GREB1L: variants seen among roughly 807,000 people sequenced by gnomAD.
The protein encoded by GREB1L is GREB1-like protein.
In GREB1L, 17 loss-of-function variants were observed where a neutral mutation model predicts 200.8. That is an observed-to-expected ratio of 0.08 (90% CI 0.06 to 0.13). The LOEUF (loss-of-function observed/expected upper bound fraction) is 0.13, where lower values mean the gene tolerates loss of function less well. GREB1L is among the 10% of genes least tolerant of loss of function. GREB1L has a pLI of 1.00. For missense variants in GREB1L, 1,657 were observed against 2,367.7 expected (o/e 0.70, Z 6.23); for synonymous variants, 789 against 893.0 (o/e 0.88, Z 2.08).
chr18:21,380,757 A>C (rs1315806656), intron 2 of GREB1L: 2 of 152,234 alleles, frequency 1.3e-5, no homozygotes, highest in Non-Finnish European at 2.9e-5. Context: ...TTAGTAGACT[A>C]TCTAGCCCAA....
chr18:21,315,863 C>T (rs1406069226), intron 1 of GREB1L, among the ~76,000 whole-genome samples: 1 of 152,098 alleles, frequency 6.6e-6, no homozygotes, highest in East Asian at 1.9e-4. Context: ...TGCTCCGCCT[C>T]CCAGCTCTGT....
chr18:21,352,521 C>T (rs746453563), intron 1 of GREB1L, among the ~76,000 whole-genome samples: 11 of 150,210 alleles, frequency 7.3e-5, no homozygotes, highest in Non-Finnish European at 1.6e-4. Flanking sequence ...GTAACCTCCG[C>T]TTCCCGGGTT....
intron 2 of GREB1L, among the ~76,000 whole-genome samples, chr18:21,371,655 G>T (rs1168723895): frequency 1.3e-5 from 2 of 151,452 alleles, no homozygotes; most frequent in Non-Finnish European, 2.9e-5. Flanking sequence ...GGCGTGGCGG[G>T]CGCCTGTAGT....
At chr18:21,305,009 T>C (rs2038678256) in intron 1 of GREB1L, among the ~76,000 whole-genome samples, 1 of 151,666 alleles carries the variant, frequency 6.6e-6, no homozygotes, top group Admixed American at 6.6e-5. Flanking sequence ...AGACAGAGTG[T>C]CGCTCTGTTG....
intron 7 of GREB1L, among the ~76,000 whole-genome samples, chr18:21,436,773 C>T (rs1308067256): frequency 6.6e-6 from 1 of 150,814 alleles, no homozygotes; most frequent in Non-Finnish European, 1.5e-5. Flanking sequence ...TACACTGGTG[C>T]GATCTCAGCT....
intron 7 of GREB1L, among the ~76,000 whole-genome samples, chr18:21,435,998 G>C (rs558175756): frequency 1.5e-4 from 23 of 152,238 alleles, no homozygotes; most frequent in African/African-American, 5.1e-4. Flanking sequence ...AACTACTCGG[G>C]AAGTGAAACT....
chr18:21,481,477 GTA>G (rs754521942), intron 17 of GREB1L, among the ~76,000 whole-genome samples: 11,764 of 132,528 alleles, frequency 0.089, 523 homozygotes, highest in Non-Finnish European at 0.12. Context: ...GTGTGTGTGT[GTA>G]TATATATATA....
At chr18:21,436,899 C>A (rs2033583491) in intron 7 of GREB1L, among the ~76,000 whole-genome samples, 1 of 151,792 alleles carries the variant, frequency 6.6e-6, no homozygotes, top group Admixed American at 6.6e-5. Context: ...TTTGTACAGA[C>A]AAGGTTTCGC....
intron 5 of GREB1L, among the ~76,000 whole-genome samples, chr18:21,399,527 G>T (rs1205951918): frequency 6.6e-6 from 1 of 152,004 alleles, no homozygotes; most frequent in Non-Finnish European, 1.5e-5. Flanking sequence ...ATGGATGGAT[G>T]GATAACTTTA....
rs35203034 is a variant in GREB1L at position 21,304,222 on chromosome 18, ATATTAT to A, written c.-119-61779_-119-61774del. On this transcript the variant is annotated intron_variant, in intron 1 of 32. Coordinates refer to ENST00000424526, the MANE Select transcript of GREB1L (RefSeq NM_001142966.3). ...TTTCAAATCTTCACTAGTTAAGCCC[ATATTAT>A]TATTATTATTATTATTATTATTATT... is the stretch of plus-strand genomic sequence containing the variant. Among the ~76,000 whole-genome samples the A allele has an allele frequency of 9.4e-4, 140 of 148,762 alleles. 1 individual carries two copies. Among genetic ancestry groups the A allele is most frequent in the Non-Finnish European group, 1.5e-3 (98 of 67,370 alleles).
intron 7 of GREB1L, chr18:21,434,953 C>T (rs1292208384): frequency 7.2e-5 from 11 of 152,494 alleles, no homozygotes; most frequent in South Asian, 2.1e-4. Context: ...AAAGATTCGC[C>T]GATTCTCAGT....
intron 7 of GREB1L, among the ~76,000 whole-genome samples, chr18:21,404,302 C>T (rs934062820): frequency 8.5e-5 from 13 of 152,126 alleles, no homozygotes; most frequent in African/African-American, 3.1e-4. Flanking sequence ...CATAGCCATC[C>T]AGTGGCAAGT....
chr18:21,307,330 G>A (rs1296524237), intron 1 of GREB1L, among the ~76,000 whole-genome samples: 2 of 152,112 alleles, frequency 1.3e-5, no homozygotes, highest in Non-Finnish European at 2.9e-5. Context: ...GTGGATTTGG[G>A]GCTGACCGAC....
At chr18:21,379,112 G>A (rs1167074222) in intron 2 of GREB1L, among the ~76,000 whole-genome samples, 1 of 152,148 alleles carries the variant, frequency 6.6e-6, no homozygotes, top group African/African-American at 2.4e-5. Context: ...TAAACTCTAA[G>A]TTGAAGAGAT....
intron 1 of GREB1L, among the ~76,000 whole-genome samples, chr18:21,318,132 GAGAA>G (rs1316055652): frequency 2.0e-5 from 3 of 149,274 alleles, no homozygotes; most frequent in African/African-American, 7.4e-5. Context: ...AAAACAAAGA[GAGAA>G]AGAACAGAAA....
At chr18:21,280,624 A>G (rs1268515476) in intron 1 of GREB1L, among the ~76,000 whole-genome samples, 1 of 151,996 alleles carries the variant, frequency 6.6e-6, no homozygotes, top group Non-Finnish European at 1.5e-5. Flanking sequence ...CTTCTCTTCC[A>G]TCTCGAATGT....
At chr18:21,365,966 ATG>A (rs2039668224) in intron 1 of GREB1L, 59 bp from the exon 2 acceptor site, 1 of 152,038 alleles carries the variant, frequency 6.6e-6, no homozygotes, top group African/African-American at 2.4e-5. Context: ...ATTATAGAAT[ATG>A]TATTTGGAAA....
Position 21,462,638 on chromosome 18 carries a change from C to T in GREB1L, c.2182+8075C>T, listed in dbSNP as rs147545047. On this transcript the variant is annotated intron_variant, in intron 15 of 32. Coordinates refer to ENST00000424526, the MANE Select transcript of GREB1L (RefSeq NM_001142966.3). ...CTAATTTTTGTATTTTTGGTAGAGA[C>T]GGGGTTTCGCCATGTTGACCAGGCT... Among the ~76,000 whole-genome samples the T allele has an allele frequency of 9.9e-3, 1,499 of 152,132 alleles. 30 individuals carry two copies. The highest frequency in any genetic ancestry group is 0.034 in the African/African-American group (1,407 of 41,482).
chr18:21,404,375 G>A (rs577691814), intron 7 of GREB1L, among the ~76,000 whole-genome samples: 3 of 152,310 alleles, frequency 2.0e-5, no homozygotes, highest in Admixed American at 1.3e-4. Flanking sequence ...CCCACAGAAC[G>A]TCATAGGGAG....
Sources: allele counts gnomAD v4.1 joint callset (sites outside exome capture counted in the v4.1 genomes callset), GRCh38; gene constraint gnomAD v4.1.1; transcripts MANE v1.5; gene names NCBI Gene and HGNC (gene_info 2026-07-23, HGNC 2026-07-21).